PCDH15: variants seen among roughly 807,000 people sequenced by gnomAD.
The protein encoded by PCDH15 is protocadherin-15.
Under a neutral mutation model 178.5 loss-of-function variants are expected in PCDH15, and 129 were observed. The observed-to-expected ratio is 0.72, with a 90% CI of 0.63 to 0.84. PCDH15 has a LOEUF of 0.84. Among genes scored for constraint, PCDH15 ranks in the 40% least tolerant of loss-of-function variants. The pLI is 0.00. For synonymous variants in PCDH15, 800 were observed against 732.0 expected (o/e 1.09, Z -1.50); for missense variants, 2,230 against 2,099.9 (o/e 1.06, Z -1.21).
intron 18 of PCDH15, among the ~76,000 whole-genome samples, chr10:54,038,118 G>T (rs1482922895): frequency 6.6e-6 from 1 of 151,878 alleles, no homozygotes; most frequent in South Asian, 2.1e-4. Flanking sequence ...ACACACATAG[G>T]GAATATTTCC....
chr10:54,775,742 G>T (rs981092562), intron 1 of PCDH15, among the ~76,000 whole-genome samples: 1 of 152,088 alleles, frequency 6.6e-6, no homozygotes, highest in Non-Finnish European at 1.5e-5. Flanking sequence ...AAAATTAGCT[G>T]GGCGTGGTGG....
chr10:53,938,766 G>A (rs1313371403), intron 25 of PCDH15, 49 bp downstream of exon 25: 15 of 1,583,164 alleles, frequency 9.5e-6, no homozygotes, highest in Non-Finnish European at 1.2e-5. Context: ...TAAAAAATTA[G>A]CAGAGACACC....
chr10:54,223,333 G>T lies in PCDH15; in HGVS notation c.986-9285C>A, dbSNP rs574381235. On this transcript the variant is annotated intron_variant, in intron 9 of 37. Coordinates refer to ENST00000644397, the MANE Select transcript of PCDH15 (RefSeq NM_001384140.1). ...AAAAAAAAAAAAAAAAAGAGAAATTGTTGCCAACCCTAAGGTCATAAAAAT... is the reference window on the plus strand; with the variant it reads ...AAAAAAAAAAAAAAAAAGAGAAATTTTTGCCAACCCTAAGGTCATAAAAAT... Among the ~76,000 whole-genome samples, 835 of 139,216 alleles carry T rather than the reference G, an allele frequency of 6.0e-3. 10 individuals are homozygous for T. Among genetic ancestry groups the T allele is most frequent in the African/African-American group, 0.018 (683 of 37,336 alleles). 91.3% of individuals were successfully genotyped at this position (139,216 alleles called of 152,430 possible). A position where few individuals can be genotyped will look rare whatever the true frequency, so the allele number is the denominator to read the frequency against.
chr10:54,394,316 GTTC>G (rs139702434), intron 3 of PCDH15, among the ~76,000 whole-genome samples: 11,014 of 152,060 alleles, frequency 0.072, 1,317 homozygotes, highest in African/African-American at 0.25. Context: ...ATTCATGTAG[GTTC>G]TTTTCTGTTT....
intron 2 of PCDH15, among the ~76,000 whole-genome samples, chr10:54,548,999 C>A (rs190240958): frequency 2.0e-5 from 3 of 151,688 alleles, no homozygotes; most frequent in Admixed American, 2.0e-4. Flanking sequence ...ATATATATTT[C>A]ATATCATCTT....
At chr10:54,024,697 G>GA (rs1403878596) in intron 18 of PCDH15, among the ~76,000 whole-genome samples, 2 of 152,218 alleles carry the variant, frequency 1.3e-5, no homozygotes, top group South Asian at 4.1e-4. Flanking sequence ...TACCTGAAGA[G>GA]AAAAAATACG....
chr10:54,447,205 A>G lies in PCDH15; in HGVS notation c.158-68263T>C, dbSNP rs149703046. On this transcript the variant is annotated intron_variant, in intron 3 of 37. Transcript: ENST00000644397. Reference sequence around the variant, plus strand: ...GAGCCTGAATTTGGGTCTCTACAACATCTTCACCTAGTTACTATTTTTGTG... The same window carrying G: ...GAGCCTGAATTTGGGTCTCTACAACGTCTTCACCTAGTTACTATTTTTGTG... 1.4e-3 allele frequency among the ~76,000 whole-genome samples: 210 copies of G among 151,794 alleles called. 2 individuals carry two copies. The East Asian group carries it at 0.025, about 18-fold the overall frequency.
chr10:54,515,067 T>C (rs909248026), intron 3 of PCDH15, among the ~76,000 whole-genome samples: 2 of 152,200 alleles, frequency 1.3e-5, no homozygotes, highest in African/African-American at 4.8e-5. Flanking sequence ...AGACAGGTGA[T>C]TTCTGCATTT....
chr10:53,960,905 G>A (rs910077440), intron 22 of PCDH15, among the ~76,000 whole-genome samples: 2 of 152,130 alleles, frequency 1.3e-5, no homozygotes, highest in South Asian at 4.1e-4. Flanking sequence ...AAATGGAAAT[G>A]TTCAAACACT....
At chr10:54,001,445 TAG>T (rs2092130235) in intron 20 of PCDH15, among the ~76,000 whole-genome samples, 1 of 151,768 alleles carries the variant, frequency 6.6e-6, no homozygotes, top group Non-Finnish European at 1.5e-5. Context: ...AGATGAAGTA[TAG>T]AGTTTTTATT....
At chr10:54,529,846 T>C (rs572976068) in intron 2 of PCDH15, among the ~76,000 whole-genome samples, 10 of 152,100 alleles carry the variant, frequency 6.6e-5, no homozygotes, top group Non-Finnish European at 1.3e-4. Context: ...TACATAGAAA[T>C]GAATAATTAG....
At chr10:55,573,759 T>C (rs917381840) in intron 2 of PCDH15, among the ~76,000 whole-genome samples, 4 of 152,034 alleles carry the variant, frequency 2.6e-5, no homozygotes, top group Admixed American at 1.3e-4. Flanking sequence ...TTTTATTTGA[T>C]GGCATATCCT....
chr10:54,323,155 AT>A (rs2061713834), intron 7 of PCDH15, among the ~76,000 whole-genome samples: 1 of 152,168 alleles, frequency 6.6e-6, no homozygotes, highest in Non-Finnish European at 1.5e-5. Context: ...AATCAAAACC[AT>A]AATGAGATAT....
intron 21 of PCDH15, chr10:53,995,314 C>G (rs2091774942): frequency 3.0e-6 from 1 of 335,852 alleles, no homozygotes; most frequent in Admixed American, 4.4e-5. Context: ...TATATGCATA[C>G]AGTGGAAAAT....
intron 17 of PCDH15, among the ~76,000 whole-genome samples, chr10:54,067,455 C>T (rs570969816): frequency 1.7e-4 from 26 of 152,234 alleles, no homozygotes; most frequent in Middle Eastern, 3.4e-3. Flanking sequence ...ATACAGCTTA[C>T]GGAAATGGTA....
At chr10:54,846,161 C>G (rs529323385) in intron 3 of PCDH15, among the ~76,000 whole-genome samples, 2 of 152,174 alleles carry the variant, frequency 1.3e-5, no homozygotes, top group Admixed American at 1.3e-4. Flanking sequence ...ATCACTAATA[C>G]CACCTGCACT....
intron 3 of PCDH15, among the ~76,000 whole-genome samples, chr10:54,491,829 T>A (rs1261526416): frequency 6.6e-6 from 1 of 152,084 alleles, no homozygotes; most frequent in Non-Finnish European, 1.5e-5. Context: ...ATGGTAAAAG[T>A]TTCCCTATTT....
intron 1 of PCDH15, among the ~76,000 whole-genome samples, chr10:55,264,687 C>G (rs1360909934): frequency 6.6e-6 from 1 of 152,144 alleles, no homozygotes; most frequent in African/African-American, 2.4e-5. Flanking sequence ...CGGAGTGTGT[C>G]CTGAACCACT....
intron 18 of PCDH15, among the ~76,000 whole-genome samples, chr10:54,048,738 T>G (rs981298964): frequency 6.6e-6 from 1 of 152,132 alleles, no homozygotes; most frequent in Non-Finnish European, 1.5e-5. Flanking sequence ...AACCTATGTG[T>G]CTGTCTATGT....
Sources: allele counts gnomAD v4.1 joint callset (sites outside exome capture counted in the v4.1 genomes callset), GRCh38; gene constraint gnomAD v4.1.1; transcripts MANE v1.5; gene names NCBI Gene and HGNC (gene_info 2026-07-23, HGNC 2026-07-21).